The following KLHL12 variants were observed in gnomAD, a reference collection of about 807,000 sequenced individuals.
The protein encoded by KLHL12 is kelch like family member 12.
Under a neutral mutation model 60.8 loss-of-function variants are expected in KLHL12, and 17 were observed. The observed-to-expected ratio is 0.28, with a 90% CI of 0.19 to 0.42. The LOEUF (loss-of-function observed/expected upper bound fraction) is 0.42. KLHL12 is among the 10% of genes least tolerant of loss of function. KLHL12 has a pLI of 1.00. For missense variants in KLHL12, 468 were observed against 722.3 expected (o/e 0.65, Z 4.04); for synonymous variants, 220 against 250.9 (o/e 0.88, Z 1.16).
At chr1:202,916,517 G>A (rs531407538) in intron 4 of KLHL12, among the ~76,000 whole-genome samples, 177 of 152,236 alleles carry the variant, frequency 1.2e-3, no homozygotes, top group African/African-American at 4.1e-3. Context: ...AGTGGTGGGC[G>A]CCTGTAGTCC....
At chr1:202,904,865 T>TAA (rs1660134433) in intron 6 of KLHL12, among the ~76,000 whole-genome samples, 3 of 152,222 alleles carry the variant, frequency 2.0e-5, no homozygotes, top group African/African-American at 7.2e-5. Flanking sequence ...AGAAAAGTAA[T>TAA]TTCCATTATA....
chr1:202,924,076 T>C (rs1017164497), intron 2 of KLHL12, among the ~76,000 whole-genome samples: 1 of 152,240 alleles, frequency 6.6e-6, no homozygotes, highest in African/African-American at 2.4e-5. Context: ...AGATTTGCAA[T>C]GTTATTTTCT....
rs980895646 is a variant in KLHL12 at position 202,895,403 on chromosome 1, T to C, written c.1135+119A>G. ...AGAGAGACCCTGTCTCAAATAATAATAACATTTGACCTTAATTTTTTCTCC... is the reference window on the plus strand; with the variant it reads ...AGAGAGACCCTGTCTCAAATAATAACAACATTTGACCTTAATTTTTTCTCC... On this transcript the variant is annotated intron_variant, in intron 8 of 11. Coordinates refer to ENST00000367261, the MANE Select transcript of KLHL12 (RefSeq NM_021633.4). This position sits in a 1 kb window ranked among gnomAD's most constrained non-coding sequence, Gnocchi z 4.2. The C allele has an allele frequency of 5.9e-6, 5 of 854,204 alleles. No individual in the cohort carries two copies. The highest frequency in any genetic ancestry group is 1.7e-5 in the African/African-American group (1 of 58,108). 52.9% of individuals were successfully genotyped at this position (854,204 alleles called of 1,614,324 possible). A position where few individuals can be genotyped will look rare whatever the true frequency, so the allele number is the denominator to read the frequency against.
At chr1:202,927,981 T>TTA (rs1653696830), upstream of KLHL12, among the ~76,000 whole-genome samples, 3 of 103,694 alleles carry the variant, frequency 2.9e-5, no homozygotes, top group South Asian at 1.0e-3. Context: ...CTCTGTCTCT[T>TTA]AAAAAAAAAA....
Position 202,917,235 on chromosome 1 carries a change from G to A in KLHL12, c.567+936C>T, listed in dbSNP as rs187718841. Among the ~76,000 whole-genome samples the A allele has an allele frequency of 2.5e-3, 387 of 152,254 alleles. 6 individuals are homozygous for A. The highest frequency in any genetic ancestry group is 1.1e-3 in the Non-Finnish European group (78 of 68,010). ...TATTATTCCTTCTTCCCCCGCAAGAGACAGGGTCTCCCTCTGTTGCCTAGG... is the reference window on the plus strand; with the variant it reads ...TATTATTCCTTCTTCCCCCGCAAGAAACAGGGTCTCCCTCTGTTGCCTAGG... On this transcript the variant is annotated intron_variant, in intron 4 of 11. Coordinates refer to ENST00000367261, the MANE Select transcript of KLHL12 (RefSeq NM_021633.4).
Position 202,911,141 on chromosome 1 carries a change from C to T in KLHL12, c.630G>A (p.Glu210=), listed in dbSNP as rs1660341560. ...VINWVKHAKK[E]REESLPNLLQ... ...GCAGGTTAGGCAAGGATTCTTCCCG[C>T]TCTTTCTTGGCATGCTTCACCCAGT... Residue 210 remains glutamate (E), a synonymous_variant, in exon 5 of 12, where the codon GAG becomes GAA. Coordinates refer to ENST00000367261, the MANE Select transcript of KLHL12 (RefSeq NM_021633.4). The T allele has an allele frequency of 6.2e-7, 1 of 1,614,158 alleles. No individual in the cohort carries two copies. Among genetic ancestry groups the T allele is most frequent in the African/African-American group, 1.3e-5 (1 of 75,040 alleles).
chr1:202,922,278 A>T (rs1660716020), intron 2 of KLHL12, among the ~76,000 whole-genome samples: 1 of 102,918 alleles, frequency 9.7e-6, no homozygotes, highest in Non-Finnish European at 2.4e-5. Flanking sequence ...TATCTAAGAG[A>T]TAAAGGGGGG....
intron 4 of KLHL12, chr1:202,911,986 G>A: frequency 1.2e-6 from 1 of 803,836 alleles, no homozygotes; most frequent in African/African-American, 1.7e-5. Context: ...CAGGGGCTTT[G>A]GGTTTGTCAC....
intron 1 of KLHL12, among the ~76,000 whole-genome samples, chr1:202,926,273 C>A (rs760472119): frequency 6.6e-6 from 1 of 152,058 alleles, no homozygotes; most frequent in Non-Finnish European, 1.5e-5. Context: ...GTTAAAGAAT[C>A]GATATTGGAA....
rs372445477 is a variant in KLHL12 at position 202,922,473 on chromosome 1, T to A, written c.195+2495A>T. 1.4e-3 allele frequency among the ~76,000 whole-genome samples: 205 copies of A among 148,102 alleles called. 1 individual carries two copies. Among genetic ancestry groups the A allele is most frequent in the African/African-American group, 4.6e-3 (188 of 40,626 alleles). On this transcript the variant is annotated intron_variant, in intron 2 of 11. Coordinates refer to ENST00000367261, the MANE Select transcript of KLHL12 (RefSeq NM_021633.4). ...GAGAGAGCGATAAAGGGTCTAAAGA[T>A]CAAAGAAGATCCAAGACTTTTTTTT...
At chr1:202,915,448 G>T (rs1018190616) in intron 4 of KLHL12, among the ~76,000 whole-genome samples, 1 of 152,056 alleles carries the variant, frequency 6.6e-6, no homozygotes, top group Non-Finnish European at 1.5e-5. Context: ...CAGAAAAAAA[G>T]CAAAGGGCAG....
At chr1:202,926,429 A>C (rs1280431180) in intron 1 of KLHL12, among the ~76,000 whole-genome samples, 1 of 152,168 alleles carries the variant, frequency 6.6e-6, no homozygotes, top group Non-Finnish European at 1.5e-5. Flanking sequence ...TTACTCTATA[A>C]GCACTATAGA....
chr1:202,896,745 A>G, intron 7 of KLHL12, 109 bp downstream of exon 7: 1 of 830,438 alleles, frequency 1.2e-6, no homozygotes, highest in South Asian at 1.4e-5. Context: ...TGTAAGAAAC[A>G]TCCTGTTATT....
intron 2 of KLHL12, among the ~76,000 whole-genome samples, chr1:202,920,871 C>A (rs1268571061): frequency 6.6e-6 from 1 of 152,122 alleles, no homozygotes; most frequent in Admixed American, 6.5e-5. Context: ...GCAAAAGTTC[C>A]ATGAACATAA....
chr1:202,911,901 C>A, intron 4 of KLHL12: 2 of 837,002 alleles, frequency 2.4e-6, no homozygotes, highest in Non-Finnish European at 4.2e-6. Flanking sequence ...ATGAAGAAAG[C>A]CTGAGGAGCT....
intron 4 of KLHL12, chr1:202,911,707 G>C (rs1293713765): frequency 1.8e-6 from 1 of 565,694 alleles, no homozygotes; most frequent in African/African-American, 1.9e-5. Flanking sequence ...TGAAGCAGGA[G>C]CTTCTCTAAC....
rs1659667932 is a variant in KLHL12, at chr1:202,891,291, C to G, written c.*1242G>C. ...ACAAAACAAGAATTTCACTCCATGA[C>G]ACAGAGGAACATTGAATGGTAGCTC... On this transcript the variant is annotated 3_prime_UTR_variant, in exon 12 of 12. Transcript: ENST00000367261. 1 of 152,604 alleles carries G rather than the reference C, an allele frequency of 6.6e-6. No homozygotes were observed. Among genetic ancestry groups the G allele is most frequent in the Non-Finnish European group, 1.5e-5 (1 of 68,042 alleles). 9.5% of individuals were successfully genotyped at this position (152,604 alleles called of 1,614,324 possible).
rs538345129 is a variant in KLHL12, at chr1:202,904,000, C to G, written c.832+5010G>C. Among the ~76,000 whole-genome samples, 9 of 151,632 alleles carry G rather than the reference C, an allele frequency of 5.9e-5. No homozygotes were observed. The East Asian group carries it at 6.0e-4, about 10-fold the overall frequency. On this transcript the variant is annotated intron_variant, in intron 6 of 11. Transcript: ENST00000367261. ...TTTATCTATCTATCTATGTATCTAT[C>G]TATCTATCTATCTATTTATCTATCT... is the stretch of plus-strand genomic sequence containing the variant.
Position 202,911,205 on chromosome 1 carries a change from T to C in KLHL12, c.568-2A>G. The C allele has an allele frequency of 6.2e-7, 1 of 1,614,002 alleles. No homozygotes were observed. Among genetic ancestry groups the C allele is most frequent in the Non-Finnish European group, 8.5e-7 (1 of 1,179,916 alleles). On this transcript the variant is annotated splice_acceptor_variant, in intron 4 of 11. Coordinates refer to ENST00000367261, the MANE Select transcript of KLHL12 (RefSeq NM_021633.4). LOFTEE classifies it high-confidence loss of function. The stretch of plus-strand genomic sequence containing the variant: ...AAAGACTGGCTCTTCAGAATCCACC[T>C]GTAAATGTATAATTACACACCGTGG...
Sources: allele counts gnomAD v4.1 joint callset (sites outside exome capture counted in the v4.1 genomes callset), GRCh38; gene constraint gnomAD v4.1.1; non-coding constraint Gnocchi (gnomAD v3.1); transcripts MANE v1.5; gene names NCBI Gene and HGNC (gene_info 2026-07-23, HGNC 2026-07-21).